FAM91A1: variants seen among roughly 807,000 people sequenced by gnomAD.
FAM91A1 encodes the protein family with sequence similarity 91 member A1.
Under a neutral mutation model 113.5 loss-of-function variants are expected in FAM91A1, and 41 were observed. The observed-to-expected ratio is 0.36, with a 90% CI of 0.28 to 0.47. The LOEUF is 0.47. Ranked by LOEUF, FAM91A1 falls within the 20% of genes least tolerant of loss-of-function variation. The pLI is 1.00. For missense variants in FAM91A1, 696 were observed against 1,001.2 expected, an observed-to-expected ratio of 0.70 and a Z score of 4.11; for synonymous variants, 307 against 347.9, an observed-to-expected ratio of 0.88 and a Z score of 1.31.
intron 3 of FAM91A1, among the ~76,000 whole-genome samples, chr8:123,775,880 G>A (rs540080413): frequency 9.2e-5 from 14 of 152,210 alleles, no homozygotes; most frequent in Admixed American, 2.6e-4. Flanking sequence ...GGGGAGAATC[G>A]CTTGAACCTG....
intron 3 of FAM91A1, among the ~76,000 whole-genome samples, chr8:123,776,620 A>G (rs1323938980): frequency 6.6e-6 from 1 of 152,196 alleles, no homozygotes; most frequent in Non-Finnish European, 1.5e-5. Context: ...GAGCTAAAAT[A>G]GGTGGAGTTT....
intron 10 of FAM91A1, 108 bp downstream of exon 10, chr8:123,785,227 GT>G: frequency 2.1e-6 from 2 of 962,012 alleles, no homozygotes; most frequent in Non-Finnish European, 1.6e-6. Context: ...TGAGATTGTT[GT>G]TAGCTGTCTG....
intron 23 of FAM91A1, 109 bp from the exon 24 acceptor site, chr8:123,812,410 C>CTGTATCATTAAAA: frequency 1.3e-6 from 1 of 749,276 alleles, no homozygotes. Flanking sequence ...TACTGCTTTG[C>CTGTATCATTAAAA]AATCCATAAA....
chr8:123,795,059 TA>T (rs1387265413), intron 15 of FAM91A1, among the ~76,000 whole-genome samples: 2 of 152,232 alleles, frequency 1.3e-5, no homozygotes, highest in Admixed American at 6.5e-5. Flanking sequence ...GGCATACCTA[TA>T]GACTCTAATA....
In FAM91A1 at chr8:123,778,775, A is replaced by G; in HGVS notation, c.549+3A>G. The G allele has an allele frequency of 6.8e-7, 1 of 1,478,966 alleles. No individual in the cohort carries two copies. The highest frequency in any genetic ancestry group is 9.0e-7 in the Non-Finnish European group (1 of 1,109,958). The allele number at this position is 1,478,966 out of a possible 1,614,324, so 91.6% of individuals were successfully genotyped here. Reference sequence around the variant, plus strand: ...ATATCACAGAAGATGACATCAAGGTAGAAATCTTTAAAAGTTAAACATAGA... The same window carrying G: ...ATATCACAGAAGATGACATCAAGGTGGAAATCTTTAAAAGTTAAACATAGA... On this transcript the variant is annotated splice_donor_region_variant and intron_variant, in intron 6 of 23. Transcript: ENST00000334705.
At chr8:123,782,874 A>G (rs1410779470) in intron 8 of FAM91A1, among the ~76,000 whole-genome samples, 2 of 152,070 alleles carry the variant, frequency 1.3e-5, no homozygotes, top group Non-Finnish European at 2.9e-5. Context: ...TATCTCTCAA[A>G]ATAGGGGGTA....
intron 8 of FAM91A1, among the ~76,000 whole-genome samples, chr8:123,783,292 T>C (rs540233109): frequency 9.9e-5 from 15 of 152,216 alleles, no homozygotes; most frequent in Non-Finnish European, 1.6e-4. Context: ...GGTAATAGCC[T>C]AGCACTTAGT....
intron 8 of FAM91A1, among the ~76,000 whole-genome samples, chr8:123,783,654 A>G (rs568034071): frequency 6.6e-6 from 1 of 152,356 alleles, no homozygotes; most frequent in Non-Finnish European, 1.5e-5. Flanking sequence ...ACTATGGCCT[A>G]GGCATTCCTC....
intron 1 of FAM91A1, among the ~76,000 whole-genome samples, chr8:123,771,848 C>CT (rs1814848112): frequency 6.6e-6 from 1 of 152,168 alleles, no homozygotes; most frequent in Non-Finnish European, 1.5e-5. Context: ...TGCTTTATAG[C>CT]TAGTGTCTTA....
At chr8:123,809,782 A>G (rs1365130764) in intron 22 of FAM91A1, among the ~76,000 whole-genome samples, 2 of 152,216 alleles carry the variant, frequency 1.3e-5, no homozygotes, top group East Asian at 3.8e-4. Flanking sequence ...AAACAAAGTA[A>G]TATACATGAG....
chr8:123,772,754 A>T (rs187593367), intron 1 of FAM91A1, among the ~76,000 whole-genome samples: 2 of 152,236 alleles, frequency 1.3e-5, no homozygotes, highest in Non-Finnish European at 2.9e-5. Context: ...CTAATAGCCT[A>T]TAACTGTTGA....
rs775673542 is a variant in FAM91A1 at position 123,785,612 on chromosome 8, C to A, written c.850-17C>A. 4 of 1,531,922 alleles carry A rather than the reference C, an allele frequency of 2.6e-6. No homozygotes were observed. In the East Asian group the frequency reaches 9.1e-5, roughly 35 times the overall value. The allele number at this position is 1,531,922 out of a possible 1,614,324, so 94.9% of individuals were successfully genotyped here. ...TTTATTTTAAATGGTAATTAGTTTC[C>A]TTTATATTCCTTTCAGAATGCTGTT... On this transcript the variant is annotated splice_polypyrimidine_tract_variant and intron_variant, in intron 10 of 23. Coordinates refer to ENST00000334705, the MANE Select transcript of FAM91A1 (RefSeq NM_144963.4).
At chr8:123,800,426 T>G (rs1415490100) in intron 18 of FAM91A1, among the ~76,000 whole-genome samples, 1 of 152,160 alleles carries the variant, frequency 6.6e-6, no homozygotes, top group Non-Finnish European at 1.5e-5. Flanking sequence ...TACTCACCTA[T>G]TTTCAGACCT....
At chr8:123,771,222 T>C (rs1814829956) in intron 1 of FAM91A1, among the ~76,000 whole-genome samples, 1 of 152,176 alleles carries the variant, frequency 6.6e-6, no homozygotes, top group Non-Finnish European at 1.5e-5. Flanking sequence ...CCCGCTATGG[T>C]GCATTTTGTG....
chr8:123,814,137 C>T lies in FAM91A1; in HGVS notation c.*1433C>T, dbSNP rs1217644994. On this transcript the variant is annotated 3_prime_UTR_variant, in exon 24 of 24. Coordinates refer to ENST00000334705, the MANE Select transcript of FAM91A1 (RefSeq NM_144963.4). Reference sequence around the variant, plus strand: ...GCTGTGTTTGAGGTAAATGCAGTAACGGTTAGTTTTCTACTTTGTCTTATA... The same window carrying T: ...GCTGTGTTTGAGGTAAATGCAGTAATGGTTAGTTTTCTACTTTGTCTTATA... 28 of 387,286 alleles carry T rather than the reference C, an allele frequency of 7.2e-5. No individual in the cohort carries two copies. The Admixed American group carries it at 9.7e-4, about 13-fold the overall frequency. 24.0% of individuals were successfully genotyped at this position (387,286 alleles called of 1,614,324 possible). A position where few individuals can be genotyped will look rare whatever the true frequency, so the allele number is the denominator to read the frequency against.
At chr8:123,785,997 C>G in intron 11 of FAM91A1, 1 of 439,468 alleles carries the variant, frequency 2.3e-6, no homozygotes, top group South Asian at 1.8e-5. Context: ...TTTTGTGTTT[C>G]TGTTAGAGGT....
chr8:123,806,486 T>A (rs1482392059), intron 20 of FAM91A1, among the ~76,000 whole-genome samples: 2 of 152,210 alleles, frequency 1.3e-5, no homozygotes, highest in Non-Finnish European at 2.9e-5. Context: ...TTTATTAGGC[T>A]TTATTAGGTT....
At chr8:123,792,000 A>G (rs1815397531) in intron 15 of FAM91A1, among the ~76,000 whole-genome samples, 1 of 151,778 alleles carries the variant, frequency 6.6e-6, no homozygotes, top group African/African-American at 2.4e-5. Flanking sequence ...CATGGTGAAA[A>G]CTCGTGTTTA....
chr8:123,808,637 C>A (rs1481501643), intron 21 of FAM91A1: 6 of 496,148 alleles, frequency 1.2e-5, no homozygotes, highest in African/African-American at 1.2e-4. Context: ...CTTTTTTGGG[C>A]AAATGACTAC....
Sources: allele counts gnomAD v4.1 joint callset (sites outside exome capture counted in the v4.1 genomes callset), GRCh38; gene constraint gnomAD v4.1.1; transcripts MANE v1.5; gene names NCBI Gene and HGNC (gene_info 2026-07-23, HGNC 2026-07-21).